ATG13: variants seen among roughly 807,000 people sequenced by gnomAD.
ATG13 encodes autophagy-related protein 13.
ATG13 carries 23 observed loss-of-function variants against 65.5 expected under a neutral mutation model. The ratio of observed to expected loss-of-function variants is 0.35; its 90% CI spans 0.25 to 0.50. The LOEUF is 0.50. Among genes scored for constraint, ATG13 ranks in the 20% least tolerant of loss-of-function variants. ATG13 has a pLI of 0.98. For missense variants in ATG13, 566 were observed against 677.0 expected, an observed-to-expected ratio of 0.84 and a Z score of 1.82; for synonymous variants, 252 against 245.2, an observed-to-expected ratio of 1.03 and a Z score of -0.26.
chr11:46,632,904 T>C (rs1433146205), intron 2 of ATG13, among the ~76,000 whole-genome samples: 1 of 150,416 alleles, frequency 6.6e-6, no homozygotes, highest in Non-Finnish European at 1.5e-5. Flanking sequence ...GGCTCACAAC[T>C]GTAATCCCAG....
In ATG13 at chr11:46,667,876, C is replaced by A; in HGVS notation, c.1240C>A (p.Pro414Thr). 1 of 1,609,918 alleles carries A rather than the reference C, an allele frequency of 6.2e-7. No homozygotes were observed. The highest frequency in any genetic ancestry group is 8.5e-7 in the Non-Finnish European group (1 of 1,176,400). Reference sequence around the variant, plus strand: ...AAAAGTGGGGGCTTTTGTCAACAAACCCATTAACCAGGTGATTTTTCTGCC... The same window carrying A: ...AAAAGTGGGGGCTTTTGTCAACAAAACCATTAACCAGGTGATTTTTCTGCC... The part of the protein sequence containing the change: ...VRKVGAFVNK[P>T]INQVTLTSLD... Residue 414 changes from proline (P) to threonine (T), a missense_variant, in exon 15 of 19, where the codon CCC becomes ACC. By Grantham distance (38) the Pro-to-Thr change is conservative. Around this residue, in one of 2 missense-constraint regions of ATG13, gnomAD observed 387 missense variants for 409.8 expected, o/e 0.94. Transcript: ENST00000683050.
At chr11:46,655,875 C>T (rs1003245078) in intron 7 of ATG13, among the ~76,000 whole-genome samples, 2 of 152,148 alleles carry the variant, frequency 1.3e-5, no homozygotes, top group Non-Finnish European at 2.9e-5. Context: ...TTATCTGGTA[C>T]TCCAGGCATG....
At chr11:46,659,333 C>T in intron 10 of ATG13, 59 bp from the exon 11 acceptor site, 2 of 1,371,652 alleles carry the variant, frequency 1.5e-6, no homozygotes, top group Non-Finnish European at 1.0e-6. Context: ...CCTTTTATAG[C>T]CTTTCTGAAA....
In ATG13 at chr11:46,644,326, A is replaced by T; in HGVS notation, c.35A>T (p.Asp12Val). The change falls in exon 3 of 19, where the codon GAC (aspartate) becomes GTC (valine). Residue 12 changes from aspartate (D) to valine (V), a missense_variant. Physicochemically the swap from Asp to Val is radical, Grantham distance 152 (BLOSUM62 -3). This residue lies in a region of ATG13 where 179 missense variants were observed against 267.2 expected (regional missense o/e 0.67). Transcript: ENST00000683050. ...ETDLNSQDRK[D>V]LDKFIKFFAL... ...GATCTCAATTCCCAGGACAGAAAGG[A>T]CCTGGACAAGTTTATTAAATTTTTT... 1 of 1,611,210 alleles carries T rather than the reference A, an allele frequency of 6.2e-7. No individual in the cohort carries two copies.
intron 9 of ATG13, 36 bp downstream of exon 9, chr11:46,657,227 C>G (rs189942397): frequency 2.5e-6 from 4 of 1,570,130 alleles, no homozygotes; most frequent in East Asian, 4.5e-5. Context: ...AGAACTCTTC[C>G]GAAAATGTTA....
intron 14 of ATG13, among the ~76,000 whole-genome samples, chr11:46,666,141 T>C (rs1345365652): frequency 6.6e-6 from 1 of 152,170 alleles, no homozygotes; most frequent in African/African-American, 2.4e-5. Flanking sequence ...AGAGAAAAAG[T>C]GTAGACTCCT....
At chr11:46,669,354 C>T in intron 17 of ATG13, 50 bp from the exon 18 acceptor site, 1 of 1,605,550 alleles carries the variant, frequency 6.2e-7, no homozygotes, top group Non-Finnish European at 8.5e-7. Context: ...CATAGCTTAT[C>T]TCCTCTGTGG....
rs139391986 is a variant in ATG13, at chr11:46,646,965, G to T, written c.270+976G>T. ...TGTAGAGATGGGGTTTCACCATGTT[G>T]CCCAGGCTGGTCTCAAACTCCTGAG... On this transcript the variant is annotated intron_variant, in intron 5 of 18. Transcript: ENST00000683050. 2.1e-4 allele frequency among the ~76,000 whole-genome samples: 32 copies of T among 152,204 alleles called. No homozygotes were observed. The East Asian group carries it at 6.0e-3, about 29-fold the overall frequency.
intron 5 of ATG13, among the ~76,000 whole-genome samples, chr11:46,646,723 C>G (rs560951943): frequency 6.6e-6 from 1 of 152,132 alleles, no homozygotes; most frequent in Admixed American, 6.5e-5. Flanking sequence ...TTTCGGCCTC[C>G]TAAAGTGCTG....
chr11:46,631,980 G>T (rs1192218192), intron 2 of ATG13, among the ~76,000 whole-genome samples: 1 of 152,192 alleles, frequency 6.6e-6, no homozygotes, highest in East Asian at 1.9e-4. Context: ...ATTTGCAAAA[G>T]TGATGTGCAG....
At chr11:46,641,655 T>C (rs1406033794) in intron 2 of ATG13, among the ~76,000 whole-genome samples, 1 of 152,206 alleles carries the variant, frequency 6.6e-6, no homozygotes, top group Non-Finnish European at 1.5e-5. Context: ...GGATATGTTC[T>C]ATAACTGTAT....
At chr11:46,627,954 A>G (rs1220698935) in intron 1 of ATG13, among the ~76,000 whole-genome samples, 2 of 151,962 alleles carry the variant, frequency 1.3e-5, no homozygotes, top group African/African-American at 4.8e-5. Context: ...GTGTGGTGGC[A>G]TGCTAGTAGT....
At chr11:46,637,163 G>A (rs559539462) in intron 2 of ATG13, among the ~76,000 whole-genome samples, 260 of 152,248 alleles carry the variant, frequency 1.7e-3, no homozygotes, top group African/African-American at 5.9e-3. Context: ...TTTTGGTGAT[G>A]GTTTTACCAT....
chr11:46,630,713 G>A (rs1416317843), intron 2 of ATG13, among the ~76,000 whole-genome samples: 1 of 151,784 alleles, frequency 6.6e-6, no homozygotes, highest in African/African-American at 2.4e-5. Flanking sequence ...TGGCTCTACA[G>A]GTGCATGCCA....
At chr11:46,650,435 T>C (rs1170655051) in intron 7 of ATG13, 118 bp downstream of exon 7, 3 of 1,358,132 alleles carry the variant, frequency 2.2e-6, no homozygotes, top group Non-Finnish European at 3.0e-6. Flanking sequence ...GTTGGATTAT[T>C]GATGCTGTCG....
rs1300762231 is a variant in ATG13, at chr11:46,630,099, A to G, written c.-15A>G. The G allele has an allele frequency of 6.6e-6, 1 of 152,248 alleles. No individual in the cohort carries two copies. The highest frequency in any genetic ancestry group is 6.5e-5 in the Admixed American group (1 of 15,268). The allele number at this position is 152,248 out of a possible 1,614,324, so 9.4% of individuals were successfully genotyped here. A position where few individuals can be genotyped will look rare whatever the true frequency, so the allele number is the denominator to read the frequency against. The stretch of plus-strand genomic sequence containing the variant: ...CAGCCTCCTGAGTAGCTGGGACTAC[A>G]GGTATGTGCCACCAGGCCCCATTTC... On this transcript the variant is annotated splice_region_variant and 5_prime_UTR_variant, in exon 2 of 19. Coordinates refer to ENST00000683050, the MANE Select transcript of ATG13 (RefSeq NM_001346311.2).
At chr11:46,623,855 CATTACTTTCTTTCTCCTATATATT>C (rs1387482648) in intron 1 of ATG13, among the ~76,000 whole-genome samples, 1 of 151,858 alleles carries the variant, frequency 6.6e-6, no homozygotes, top group Admixed American at 6.6e-5. Flanking sequence ...CTCTTTACCA[CATTACTTTCTTTCTCCTATATATT>C]GTATAACTAT....
rs548635790 is a variant in ATG13, at chr11:46,625,079, A to G, written c.-69-4966A>G. On this transcript the variant is annotated intron_variant, in intron 1 of 18. Coordinates refer to ENST00000683050, the MANE Select transcript of ATG13 (RefSeq NM_001346311.2). ...GCTCACACCTGTAATCCTAATCCCA[A>G]CACTTTAGGAGGCCAAGATGGGAGG... Among the ~76,000 whole-genome samples the G allele has an allele frequency of 2.6e-5, 4 of 151,412 alleles. No individual in the cohort carries two copies. The East Asian group carries it at 7.8e-4, about 29-fold the overall frequency.
chr11:46,664,139 C>A, intron 12 of ATG13, 44 bp downstream of exon 12: 1 of 1,345,328 alleles, frequency 7.4e-7, no homozygotes, highest in Non-Finnish European at 1.0e-6. Flanking sequence ...AGATGGCATC[C>A]TTTTATTTAA....
Sources: allele counts gnomAD v4.1 joint callset (sites outside exome capture counted in the v4.1 genomes callset), GRCh38; gene constraint gnomAD v4.1.1; regional missense constraint gnomAD v4.1.1; transcripts MANE v1.5; gene names NCBI Gene and HGNC (gene_info 2026-07-23, HGNC 2026-07-21).